Variants in LPXN observed in about 807,000 individuals in gnomAD.
LPXN encodes leupaxin.
A neutral mutation model predicts 45.6 loss-of-function variants in LPXN; 28 were observed. That is an observed-to-expected ratio of 0.61 (90% CI 0.45 to 0.84). The LOEUF (loss-of-function observed/expected upper bound fraction) is 0.84, where lower values mean the gene tolerates loss of function less well. Ranked by LOEUF, LPXN falls within the 40% of genes least tolerant of loss-of-function variation. The probability of loss-of-function intolerance (pLI) is 0.00; values close to 1 mark genes in which losing one functional copy is unlikely to be tolerated. For missense variants in LPXN, 459 were observed against 475.0 expected (o/e 0.97, Z 0.31); for synonymous variants, 166 against 169.9 (o/e 0.98, Z 0.18).
At chr11:58,565,041 A>T (rs966211281) in intron 2 of LPXN, among the ~76,000 whole-genome samples, 9 of 152,240 alleles carry the variant, frequency 5.9e-5, no homozygotes, top group Non-Finnish European at 1.2e-4. Flanking sequence ...AAGGGGCCAG[A>T]TCATACAGAT....
intron 1 of LPXN, among the ~76,000 whole-genome samples, chr11:58,573,724 G>C (rs970957556): frequency 1.3e-5 from 2 of 152,086 alleles, no homozygotes; most frequent in Non-Finnish European, 2.9e-5. Context: ...CCTGGAGAGT[G>C]GGGGCGGGGG....
chr11:58,578,007 T>G, upstream of LPXN: 1 of 1,549,526 alleles, frequency 6.5e-7, no homozygotes, highest in East Asian at 2.5e-5. Context: ...CACAGGTGAG[T>G]GACTCACACA....
At chr11:58,570,207 G>A (rs1854644571) in intron 2 of LPXN, among the ~76,000 whole-genome samples, 1 of 151,718 alleles carries the variant, frequency 6.6e-6, no homozygotes, top group South Asian at 2.1e-4. Flanking sequence ...GGAGGCTGAA[G>A]CAGGAGAATC....
chr11:58,549,112 C>T (rs541364154), intron 7 of LPXN, among the ~76,000 whole-genome samples: 17 of 152,252 alleles, frequency 1.1e-4, no homozygotes, highest in African/African-American at 3.9e-4. Context: ...AACACATAAG[C>T]AGGCCAGGCG....
At chr11:58,578,680 TAGAA>T (rs1854998243), upstream of LPXN, among the ~76,000 whole-genome samples, 1 of 151,832 alleles carries the variant, frequency 6.6e-6, no homozygotes, top group Admixed American at 6.5e-5. Context: ...TAAAGAAGAA[TAGAA>T]AGAGCCCTTG....
At chr11:58,564,913 G>A (rs1256211039) in intron 2 of LPXN, among the ~76,000 whole-genome samples, 1 of 152,108 alleles carries the variant, frequency 6.6e-6, no homozygotes, top group Non-Finnish European at 1.5e-5. Context: ...GCAAATATCT[G>A]GGGTCATATG....
At chr11:58,552,447 G>A (rs1351751079) in intron 4 of LPXN, among the ~76,000 whole-genome samples, 1 of 152,008 alleles carries the variant, frequency 6.6e-6, no homozygotes, top group Non-Finnish European at 1.5e-5. Context: ...AACTACAATG[G>A]CTCTCCATTG....
At chr11:58,539,077 C>T (rs1285969508) in intron 7 of LPXN, among the ~76,000 whole-genome samples, 6 of 152,166 alleles carry the variant, frequency 3.9e-5, no homozygotes, top group East Asian at 3.9e-4. Flanking sequence ...GAGGCTGAGG[C>T]GGGAGGACTG....
chr11:58,551,150 C>T lies in LPXN; in HGVS notation c.401G>A (p.Gly134Asp). The T allele has an allele frequency of 6.2e-7, 1 of 1,611,728 alleles. No individual in the cohort carries two copies. The highest frequency in any genetic ancestry group is 1.3e-5 in the African/African-American group (1 of 74,916). ...HKASLDSMLGGLEQELQDLGI... is the reference protein window; with the variant it reads ...HKASLDSMLGDLEQELQDLGI... Reference sequence around the variant, plus strand: ...AAGGTCCTGCAATTCCTGCTCCAGACCCCCAAGCATTGAGTCCAGGGAGGC... The same window carrying T: ...AAGGTCCTGCAATTCCTGCTCCAGATCCCCAAGCATTGAGTCCAGGGAGGC... Residue 134 changes from glycine (G) to aspartate (D), a missense_variant, in exon 5 of 9, where the codon GGT (glycine) becomes GAT (aspartate). Physicochemically the swap from Gly to Asp is moderately conservative, Grantham distance 94. Coordinates refer to ENST00000395074, the MANE Select transcript of LPXN (RefSeq NM_004811.3).
chr11:58,565,035 G>A (rs1410708584), intron 2 of LPXN, among the ~76,000 whole-genome samples: 1 of 152,106 alleles, frequency 6.6e-6, no homozygotes, highest in Non-Finnish European at 1.5e-5. Flanking sequence ...CAAGTAAAGG[G>A]GCCAGATCAT....
chr11:58,578,174 A>C (rs1590600975), upstream of LPXN: 3 of 1,258,974 alleles, frequency 2.4e-6, no homozygotes, highest in Non-Finnish European at 3.2e-6. Context: ...AGTAGGAAAA[A>C]CCCTCCCATC....
intron 7 of LPXN, among the ~76,000 whole-genome samples, chr11:58,547,053 G>A (rs1360001164): frequency 6.6e-6 from 1 of 152,090 alleles, no homozygotes; most frequent in African/African-American, 2.4e-5. Flanking sequence ...GGATATGTGT[G>A]CCTTGGCATT....
intron 2 of LPXN, among the ~76,000 whole-genome samples, chr11:58,569,762 T>C (rs1008586316): frequency 6.6e-6 from 1 of 152,150 alleles, no homozygotes. Context: ...AGCTTCATCA[T>C]CTCTATATAA....
rs1853988460 is a variant in LPXN at position 58,549,829 on chromosome 11, C to T, written c.699G>A (p.Glu233=). 1 of 1,614,042 alleles carries T rather than the reference C, an allele frequency of 6.2e-7. No homozygotes were observed. The highest frequency in any genetic ancestry group is 1.3e-5 in the African/African-American group (1 of 74,920). ...CTCCGCAGTGAGAGCAGAAGAAGTG[C>T]TCTGGGTGCCAGGTCTGGTTCATTG... ...LTAMNQTWHP[E]HFFCSHCGEV... Residue 233 remains glutamate, a synonymous_variant, in exon 7 of 9, where the codon GAG becomes GAA. Coordinates refer to ENST00000395074, the MANE Select transcript of LPXN (RefSeq NM_004811.3).
intron 4 of LPXN, chr11:58,553,960 C>T (rs970491630): frequency 5.2e-5 from 8 of 152,470 alleles, no homozygotes; most frequent in African/African-American, 1.9e-4. Flanking sequence ...TTTGATCTCC[C>T]TTGCTGTGTC....
intron 2 of LPXN, among the ~76,000 whole-genome samples, chr11:58,568,338 C>T (rs1014990536): frequency 5.3e-5 from 8 of 152,166 alleles, no homozygotes; most frequent in African/African-American, 1.9e-4. Context: ...GACAGTGGCT[C>T]GTGCTTGTAA....
At chr11:58,552,201 T>C (rs1350369017) in intron 4 of LPXN, among the ~76,000 whole-genome samples, 1 of 152,044 alleles carries the variant, frequency 6.6e-6, no homozygotes, top group East Asian at 1.9e-4. Context: ...CTTAGATCAG[T>C]ATTACAGGAG....
chr11:58,547,229 T>C (rs1853901411), intron 7 of LPXN, among the ~76,000 whole-genome samples: 1 of 152,154 alleles, frequency 6.6e-6, no homozygotes, highest in African/African-American at 2.4e-5. Flanking sequence ...TATGAAAATA[T>C]GAGAGGAAGA....
intron 3 of LPXN, 139 bp downstream of exon 3, chr11:58,564,016 C>T: frequency 3.3e-6 from 2 of 608,344 alleles, no homozygotes; most frequent in Non-Finnish European, 5.8e-6. Flanking sequence ...TACCTATGCT[C>T]AAAGACTATG....
Sources: allele counts gnomAD v4.1 joint callset (sites outside exome capture counted in the v4.1 genomes callset), GRCh38; gene constraint gnomAD v4.1.1; transcripts MANE v1.5; gene names NCBI Gene and HGNC (gene_info 2026-07-23, HGNC 2026-07-21).